RGS6: variants seen among roughly 807,000 people sequenced by gnomAD.
RGS6 encodes the protein regulator of G-protein signaling 6.
In RGS6, 30 loss-of-function variants were observed where a neutral mutation model predicts 78.5. The observed-to-expected ratio is 0.38, with a 90% CI of 0.29 to 0.52. RGS6 has a LOEUF of 0.52. Among genes scored for constraint, RGS6 ranks in the 20% least tolerant of loss-of-function variants. RGS6 has a pLI of 0.85. For missense variants in RGS6, 495 were observed against 609.7 expected, an observed-to-expected ratio of 0.81 and a Z score of 1.98; for synonymous variants, 206 against 206.0, an observed-to-expected ratio of 1.00 and a Z score of 0.00.
chr14:72,382,801 C>A (rs2239223), intron 3 of RGS6, among the ~76,000 whole-genome samples: 84,868 of 151,984 alleles, frequency 0.56, 25,570 homozygotes, highest in African/African-American at 0.79. Context: ...AACAATATTC[C>A]TGAGAATAAG....
chr14:72,609,674 C>T, the RGS6 span, among the ~76,000 whole-genome samples: 19 of 152,168 alleles, frequency 1.2e-4, no homozygotes, highest in East Asian at 5.8e-4. Context: ...CTACAGAGAC[C>T]GCAACCACAT....
At chr14:72,074,492 C>T (rs945337196) in intron 2 of RGS6, among the ~76,000 whole-genome samples, 28 of 151,812 alleles carry the variant, frequency 1.8e-4, no homozygotes, top group African/African-American at 6.3e-4. Flanking sequence ...GCCACCATGC[C>T]TGGCCAATTG....
chr14:71,932,507 C>G lies in RGS6; in HGVS notation c.-455C>G, dbSNP rs77022468. On this transcript the variant is annotated 5_prime_UTR_variant, in exon 1 of 18. Transcript: ENST00000553525. The stretch of plus-strand genomic sequence containing the variant: ...AGAGCTCCGCCTGGGCGCCGCGTTC[C>G]TACAGCCGCCGGAGCCGCCAGGCGC... 0.1 allele frequency: 15,499 copies of G among 152,038 alleles called. 980 individuals carry two copies. The highest frequency in any genetic ancestry group is 0.13 in the Admixed American group (2,057 of 15,280). The allele number at this position is 152,038 out of a possible 1,614,324, so 9.4% of individuals were successfully genotyped here.
At chr14:71,992,844 T>C (rs116955312) in intron 2 of RGS6, among the ~76,000 whole-genome samples, 1 of 152,320 alleles carries the variant, frequency 6.6e-6, no homozygotes, top group East Asian at 1.9e-4. Context: ...TTTGCTACTT[T>C]AATAGGTAAA....
rs146332674 is a variant in RGS6, at chr14:71,951,161, T to G, written c.-20-13611T>G. On this transcript the variant is annotated intron_variant, in intron 1 of 17. Coordinates refer to ENST00000553525, the MANE Select transcript of RGS6 (RefSeq NM_001204424.2). ...AGCAAATACATGGAATCAACCCAAATACCCATCAATAATAGACTGGATAAA... is the reference window on the plus strand; with the variant it reads ...AGCAAATACATGGAATCAACCCAAAGACCCATCAATAATAGACTGGATAAA... 7.9e-5 allele frequency among the ~76,000 whole-genome samples: 12 copies of G among 152,222 alleles called. No homozygotes were observed. In the East Asian group the frequency reaches 2.3e-3, roughly 29 times the overall value.
chr14:72,498,626 A>G (rs2096676165), intron 13 of RGS6, among the ~76,000 whole-genome samples: 1 of 152,120 alleles, frequency 6.6e-6, no homozygotes, highest in Admixed American at 6.5e-5. Flanking sequence ...GCCATGGCCT[A>G]GGACTCTATC....
At chr14:72,577,795 G>A in the RGS6 span, among the ~76,000 whole-genome samples, 285 of 152,302 alleles carry the variant, frequency 1.9e-3, 2 homozygotes, top group African/African-American at 6.0e-3. Flanking sequence ...CCACATCTGA[G>A]AGACACAGGA....
At chr14:72,094,908 AG>A (rs1269198241) in intron 2 of RGS6, among the ~76,000 whole-genome samples, 1 of 152,124 alleles carries the variant, frequency 6.6e-6, no homozygotes. Context: ...ACAACAAGCA[AG>A]GGGGGAGAAA....
intron 3 of RGS6, among the ~76,000 whole-genome samples, chr14:72,450,728 A>G (rs1254160876): frequency 6.6e-6 from 1 of 152,218 alleles, no homozygotes; most frequent in Non-Finnish European, 1.5e-5. Flanking sequence ...CAGAAAAGGA[A>G]TCCGCTTCAA....
At chr14:72,052,379 C>A (rs1010374767) in intron 2 of RGS6, among the ~76,000 whole-genome samples, 2 of 152,096 alleles carry the variant, frequency 1.3e-5, no homozygotes, top group Admixed American at 1.3e-4. Flanking sequence ...TACTCTCATC[C>A]CCCCTCCCAC....
chr14:72,274,443 C>T (rs1346388861), intron 2 of RGS6, among the ~76,000 whole-genome samples: 1 of 152,220 alleles, frequency 6.6e-6, no homozygotes, highest in Non-Finnish European at 1.5e-5. Context: ...GCCTTCCTCC[C>T]ATGGCCCCCT....
At chr14:72,343,522 T>C (rs1441674528) in intron 2 of RGS6, among the ~76,000 whole-genome samples, 2 of 152,246 alleles carry the variant, frequency 1.3e-5, no homozygotes, top group African/African-American at 4.8e-5. Context: ...TTTTGCCATG[T>C]GAAGTCACAT....
intron 3 of RGS6, among the ~76,000 whole-genome samples, chr14:72,439,949 AGTT>A (rs1490685978): frequency 1.3e-5 from 2 of 152,168 alleles, no homozygotes; most frequent in East Asian, 1.9e-4. Context: ...AACTTCCTCT[AGTT>A]GTTGCTCTAG....
intron 2 of RGS6, among the ~76,000 whole-genome samples, chr14:72,301,148 G>T (rs957002208): frequency 1.1e-4 from 16 of 152,290 alleles, no homozygotes; most frequent in Middle Eastern, 3.4e-3. Context: ...CCGAGTTTCA[G>T]ATTCAGAAAG....
chr14:72,260,512 A>G (rs2057961866), intron 2 of RGS6, among the ~76,000 whole-genome samples: 1 of 152,220 alleles, frequency 6.6e-6, no homozygotes, highest in African/African-American at 2.4e-5. Flanking sequence ...CTGGTGATCT[A>G]GGAGGAGATT....
At chr14:72,625,664 GTACACATGCATACATCTC>G in the RGS6 span, among the ~76,000 whole-genome samples, 2 of 152,120 alleles carry the variant, frequency 1.3e-5, no homozygotes, top group Non-Finnish European at 2.9e-5. Context: ...GTATGTGTAG[GTACACATGCATACATCTC>G]TACTTATTTC....
intron 2 of RGS6, among the ~76,000 whole-genome samples, chr14:72,210,666 C>T (rs925508089): frequency 6.6e-5 from 10 of 152,292 alleles, no homozygotes; most frequent in Admixed American, 4.6e-4. Context: ...TACACCTTAA[C>T]AGTGCAAATC....
chr14:72,231,043 A>C (rs925246663), intron 2 of RGS6, among the ~76,000 whole-genome samples: 2 of 152,098 alleles, frequency 1.3e-5, no homozygotes, highest in Non-Finnish European at 2.9e-5. Context: ...AAGAGAGTGG[A>C]TTGTTAAACT....
At chr14:72,212,286 A>G (rs1402772225) in intron 2 of RGS6, among the ~76,000 whole-genome samples, 1 of 152,162 alleles carries the variant, frequency 6.6e-6, no homozygotes, top group Non-Finnish European at 1.5e-5. Context: ...TATGCTAAAT[A>G]CTCATGATAT....
Sources: gnomAD v4.1 joint callset for allele counts (sites outside exome capture counted in the v4.1 genomes callset) on GRCh38, gnomAD v4.1.1 for gene constraint, MANE v1.5 for transcripts, NCBI Gene and HGNC (gene_info 2026-07-23, HGNC 2026-07-21) for gene names.